VWA8: variants seen among roughly 807,000 people sequenced by gnomAD.
The protein encoded by VWA8 is von Willebrand factor A domain-containing protein 8.
A neutral mutation model predicts 241.5 loss-of-function variants in VWA8; 221 were observed. The ratio of observed to expected loss-of-function variants is 0.91; its 90% CI spans 0.82 to 1.02. The LOEUF (loss-of-function observed/expected upper bound fraction) is 1.02. Among genes scored for constraint, VWA8 ranks in the 50% least tolerant of loss-of-function variants. The pLI, the probability that VWA8 is intolerant of heterozygous loss-of-function variation, is 0.00. For missense variants in VWA8, 2,322 were observed against 2,328.7 expected (o/e 1.00, Z 0.06); for synonymous variants, 852 against 827.1 (o/e 1.03, Z -0.52).
At chr13:41,784,737 C>G (rs12017182) in intron 18 of VWA8, among the ~76,000 whole-genome samples, 1 of 72,562 alleles carries the variant, frequency 1.4e-5, no homozygotes, top group African/African-American at 4.5e-5. Context: ...TATACACACA[C>G]ATATATATAT....
chr13:41,637,177 C>T (rs577188044), intron 37 of VWA8, among the ~76,000 whole-genome samples: 2 of 151,034 alleles, frequency 1.3e-5, no homozygotes, highest in Admixed American at 6.6e-5. Context: ...TGTCCAACAA[C>T]GATAGACTGG....
intron 37 of VWA8, among the ~76,000 whole-genome samples, chr13:41,656,851 A>C (rs1028384875): frequency 1.3e-5 from 2 of 152,220 alleles, no homozygotes; most frequent in Admixed American, 6.5e-5. Flanking sequence ...CCACTAAAAA[A>C]TAAAAATAAA....
At chr13:41,636,293 C>A (rs2044756020) in intron 37 of VWA8, among the ~76,000 whole-genome samples, 1 of 152,132 alleles carries the variant, frequency 6.6e-6, no homozygotes, top group Non-Finnish European at 1.5e-5. Flanking sequence ...ACTATCTGAT[C>A]TTTGACAAAC....
Position 41,586,784 on chromosome 13 carries a change from A to G in VWA8, c.5271+728T>C, listed in dbSNP as rs1217427805. On this transcript the variant is annotated intron_variant, in intron 42 of 44. Transcript: ENST00000379310. ...TCTGTCTATGGACTGTGTGTCCTTC[A>G]TGCATATCTGCACGTGCATACAGCA... 3.3e-5 allele frequency among the ~76,000 whole-genome samples: 5 copies of G among 152,190 alleles called. No individual in the cohort carries two copies. In the East Asian group the frequency reaches 9.6e-4, roughly 29 times the overall value.
rs1245700003 is a variant in VWA8 at position 41,719,684 on chromosome 13, T to C, written c.3023A>G (p.Tyr1008Cys). 12 of 1,613,130 alleles carry C rather than the reference T, an allele frequency of 7.4e-6. No homozygotes were observed. The highest frequency in any genetic ancestry group is 2.2e-5 in the East Asian group (1 of 44,850). The change falls in exon 26 of 45, where the codon TAC (tyrosine) becomes TGC (cysteine). Residue 1008 changes from tyrosine to cysteine, a missense_variant. Physicochemically the swap from Tyr to Cys is radical, Grantham distance 194. Coordinates refer to ENST00000379310, the MANE Select transcript of VWA8 (RefSeq NM_015058.2). ...CAATATCTCCCTCATGTCATTGTTG[T>C]AGGAATCAAAGTCAAACACATTTCG... ...VVRNVFDFDSYNNDMREILIN... is the reference protein window; with the variant it reads ...VVRNVFDFDSCNNDMREILIN...
intron 3 of VWA8, 36 bp downstream of exon 3, chr13:41,912,002 A>G (rs1876024923): frequency 2.0e-6 from 3 of 1,505,234 alleles, no homozygotes; most frequent in Non-Finnish European, 1.8e-6. Flanking sequence ...TTACAAAGTT[A>G]AGACCCTTAG....
At chr13:41,765,910 A>G (rs1423197611) in intron 20 of VWA8, among the ~76,000 whole-genome samples, 1 of 152,210 alleles carries the variant, frequency 6.6e-6, no homozygotes, top group East Asian at 1.9e-4. Flanking sequence ...AATAAAAATA[A>G]TCTCATGAGA....
At chr13:41,901,889 A>AATATATAT (rs869081141) in intron 4 of VWA8, among the ~76,000 whole-genome samples, 22 of 83,326 alleles carry the variant, frequency 2.6e-4, no homozygotes, top group Admixed American at 5.1e-4. Flanking sequence ...AAAAAAAAAA[A>AATATATAT]ATATATATAT....
chr13:41,724,256 A>G (rs2045414456), intron 24 of VWA8, among the ~76,000 whole-genome samples: 1 of 152,230 alleles, frequency 6.6e-6, no homozygotes, highest in African/African-American at 2.4e-5. Context: ...TACAGAAGAA[A>G]CGGAGATAGC....
At chr13:41,645,662 G>A (rs1448310110) in intron 37 of VWA8, among the ~76,000 whole-genome samples, 3 of 152,108 alleles carry the variant, frequency 2.0e-5, no homozygotes, top group Non-Finnish European at 4.4e-5. Flanking sequence ...TATCATGACT[G>A]TTCCATGAAA....
chr13:41,729,026 A>AT (rs1195307848), intron 23 of VWA8, among the ~76,000 whole-genome samples: 1 of 151,908 alleles, frequency 6.6e-6, no homozygotes, highest in African/African-American at 2.4e-5. Context: ...ATCTATCTTC[A>AT]TTTTTTTCCT....
At chr13:41,653,065 CAT>C (rs2044879476) in intron 37 of VWA8, among the ~76,000 whole-genome samples, 1 of 152,110 alleles carries the variant, frequency 6.6e-6, no homozygotes, top group African/African-American at 2.4e-5. Flanking sequence ...TGTCAAATAA[CAT>C]AATACAAATT....
intron 18 of VWA8, among the ~76,000 whole-genome samples, chr13:41,786,469 C>T (rs1271488074): frequency 6.6e-6 from 1 of 152,070 alleles, no homozygotes; most frequent in East Asian, 1.9e-4. Flanking sequence ...CTCCTTATCC[C>T]CTACATGAGG....
intron 17 of VWA8, among the ~76,000 whole-genome samples, chr13:41,790,500 A>C (rs1369730356): frequency 1.3e-5 from 2 of 152,054 alleles, no homozygotes; most frequent in Non-Finnish European, 2.9e-5. Flanking sequence ...TTTCCTCATT[A>C]CTTCAATATC....
intron 19 of VWA8, among the ~76,000 whole-genome samples, chr13:41,778,828 G>A (rs957266544): frequency 2.2e-5 from 3 of 134,998 alleles, no homozygotes; most frequent in African/African-American, 5.4e-5. Flanking sequence ...TTTCCAGTAC[G>A]TCACTTTTTT....
chr13:41,929,326 AT>A lies in VWA8; in HGVS notation c.242-17159del, dbSNP rs566605839. 4.6e-5 allele frequency among the ~76,000 whole-genome samples: 7 copies of A among 151,824 alleles called. No individual in the cohort carries two copies. The South Asian group carries it at 1.3e-3, about 27-fold the overall frequency. On this transcript the variant is annotated intron_variant, in intron 2 of 44. Transcript: ENST00000379310. ...GTGTGCCACCACATCCAGCTAATTA[AT>A]TTTTTTATAGAGACAGGGCCTCACT...
chr13:41,761,189 T>C lies in VWA8; in HGVS notation c.2365A>G (p.Lys789Glu). The C allele has an allele frequency of 1.9e-6, 3 of 1,611,652 alleles. No individual in the cohort carries two copies. The highest frequency in any genetic ancestry group is 2.5e-6 in the Non-Finnish European group (3 of 1,178,396). The change falls in exon 21 of 45, where the codon AAG becomes GAG. Residue 789 changes from lysine (K) to glutamate (E), a missense_variant. Transcript: ENST00000379310. ...LVGNQGVGKN[K>E]IVDRFLHLLN... Reference sequence around the variant, plus strand: ...AGGTGAAGGAATCTGTCAACAATCTTGTTTTTTCCTACACCCTGTAATTAC... The same window carrying C: ...AGGTGAAGGAATCTGTCAACAATCTCGTTTTTTCCTACACCCTGTAATTAC...
chr13:41,726,305 T>C (rs761319735), intron 24 of VWA8, among the ~76,000 whole-genome samples: 1 of 152,222 alleles, frequency 6.6e-6, no homozygotes, highest in African/African-American at 2.4e-5. Flanking sequence ...TACTTAAACA[T>C]TGTATAGGTA....
intron 12 of VWA8, among the ~76,000 whole-genome samples, chr13:41,840,251 G>A (rs1325362845): frequency 6.6e-6 from 1 of 152,074 alleles, no homozygotes; most frequent in Non-Finnish European, 1.5e-5. Flanking sequence ...CAGTCACAAG[G>A]GGGAGTTGAA....
Sources: allele counts gnomAD v4.1 joint callset (sites outside exome capture counted in the v4.1 genomes callset), GRCh38; gene constraint gnomAD v4.1.1; transcripts MANE v1.5; gene names NCBI Gene and HGNC (gene_info 2026-07-23, HGNC 2026-07-21).